The following KIAA0825 variants were observed in gnomAD, a reference collection of about 807,000 sequenced individuals.
The protein encoded by KIAA0825 is KIAA0825, also known as uncharacterized protein KIAA0825.
A neutral mutation model predicts 147.6 loss-of-function variants in KIAA0825; 119 were observed. The ratio of observed to expected loss-of-function variants is 0.81; its 90% CI spans 0.69 to 0.94. The LOEUF (loss-of-function observed/expected upper bound fraction) is 0.94, where lower values mean the gene tolerates loss of function less well. Among genes scored for constraint, KIAA0825 ranks in the 40% least tolerant of loss-of-function variants. KIAA0825 has a pLI of 0.00. For missense variants in KIAA0825, 1,381 were observed against 1,472.7 expected, an observed-to-expected ratio of 0.94 and a Z score of 1.02; for synonymous variants, 470 against 518.1, an observed-to-expected ratio of 0.91 and a Z score of 1.26.
At chr5:94,616,444 C>T (rs896112803) in intron 1 of KIAA0825, among the ~76,000 whole-genome samples, 1 of 152,106 alleles carries the variant, frequency 6.6e-6, no homozygotes, top group Non-Finnish European at 1.5e-5. Flanking sequence ...GTGAGTGGAA[C>T]AGCACAGTTT....
Position 94,158,875 on chromosome 5 carries a change from C to T in KIAA0825, c.3711-4751G>A, listed in dbSNP as rs1379705648. ...ACACATAAAACATAAAATAATGCCT[C>T]GTTTATAGCAAGCACTCAACAAGTG... On this transcript the variant is annotated intron_variant, in intron 20 of 20. Coordinates refer to ENST00000682413, the MANE Select transcript of KIAA0825 (RefSeq NM_001145678.3). Among the ~76,000 whole-genome samples the T allele has an allele frequency of 2.0e-5, 3 of 152,026 alleles. No homozygotes were observed. The East Asian group carries it at 5.8e-4, about 29-fold the overall frequency.
At chr5:94,614,623 C>A (rs536802267) in intron 1 of KIAA0825, among the ~76,000 whole-genome samples, 1 of 152,170 alleles carries the variant, frequency 6.6e-6, no homozygotes, top group South Asian at 2.1e-4. Flanking sequence ...CCTCTTGTTC[C>A]CCTGCCAAAA....
At chr5:94,527,187 C>T (rs537693230) in intron 3 of KIAA0825, among the ~76,000 whole-genome samples, 1 of 151,984 alleles carries the variant, frequency 6.6e-6, no homozygotes, top group African/African-American at 2.4e-5. Context: ...TGTATATATG[C>T]ACCAGCTTAC....
chr5:94,419,489 AC>A (rs1407818715), intron 14 of KIAA0825, among the ~76,000 whole-genome samples: 1 of 151,720 alleles, frequency 6.6e-6, no homozygotes, highest in Non-Finnish European at 1.5e-5. Flanking sequence ...TTATGTTCCA[AC>A]CCCCAAACAT....
In KIAA0825 at chr5:94,484,892, G is replaced by A; in HGVS notation, c.1009C>T (p.Leu337Phe). 7 of 1,528,136 alleles carry A rather than the reference G, an allele frequency of 4.6e-6. No homozygotes were observed. The highest frequency in any genetic ancestry group is 6.2e-6 in the Non-Finnish European group (7 of 1,130,926). The allele number at this position is 1,528,136 out of a possible 1,614,324, so 94.7% of individuals were successfully genotyped here. A position where few individuals can be genotyped will look rare whatever the true frequency, so the allele number is the denominator to read the frequency against. The change falls in exon 6 of 21, where the codon CTC becomes TTC. Residue 337 changes from leucine (L) to phenylalanine (F), a missense_variant. Transcript: ENST00000682413. ...ECPQKGRNFS[L>F]PLDKVEFLSQ... Reference sequence around the variant, plus strand: ...AAGAATTCGACTTTGTCTAAAGGGAGAGAGAAGTTTCTTCCTTTCTGTGGG... The same window carrying A: ...AAGAATTCGACTTTGTCTAAAGGGAAAGAGAAGTTTCTTCCTTTCTGTGGG...
chr5:94,194,752 C>T (rs1770978393), intron 20 of KIAA0825, among the ~76,000 whole-genome samples: 2 of 152,184 alleles, frequency 1.3e-5, no homozygotes, highest in African/African-American at 4.8e-5. Flanking sequence ...GACCCATATT[C>T]AATTTCCACA....
intron 1 of KIAA0825, among the ~76,000 whole-genome samples, chr5:94,601,503 A>G (rs1007733869): frequency 6.6e-6 from 1 of 152,212 alleles, no homozygotes; most frequent in Non-Finnish European, 1.5e-5. Context: ...CTCTCCTTCA[A>G]ATGACCACAT....
intron 20 of KIAA0825, among the ~76,000 whole-genome samples, chr5:94,324,825 A>G (rs776913726): frequency 6.6e-6 from 1 of 151,532 alleles, no homozygotes; most frequent in Non-Finnish European, 1.5e-5. Context: ...AAAGGCATCT[A>G]TTAGGTAATT....
At chr5:94,195,063 G>C (rs917822960) in intron 20 of KIAA0825, among the ~76,000 whole-genome samples, 1 of 152,126 alleles carries the variant, frequency 6.6e-6, no homozygotes, top group African/African-American at 2.4e-5. Flanking sequence ...AGGTCACAAC[G>C]CAAAATGGAG....
intron 20 of KIAA0825, among the ~76,000 whole-genome samples, chr5:94,330,165 G>A (rs530848665): frequency 6.6e-6 from 1 of 152,204 alleles, no homozygotes; most frequent in African/African-American, 2.4e-5. Flanking sequence ...AGGTGAAATG[G>A]ACATAGAATA....
chr5:94,364,366 T>C (rs1745507313), intron 20 of KIAA0825, among the ~76,000 whole-genome samples: 1 of 151,554 alleles, frequency 6.6e-6, no homozygotes, highest in African/African-American at 2.4e-5. Flanking sequence ...ATTTGTGATA[T>C]CAGGAAATGC....
chr5:94,492,150 G>C (rs1305795283), intron 5 of KIAA0825, among the ~76,000 whole-genome samples: 1 of 152,176 alleles, frequency 6.6e-6, no homozygotes, highest in Non-Finnish European at 1.5e-5. Context: ...ACCACCAATT[G>C]TATCATATGT....
rs1761200234 is a variant in KIAA0825, at chr5:94,471,386, C to A, written c.1721+80G>T. ...ATTTTCTCTTTCTCAAATCTTATTACCAAAATTTCATTCCTGTGATATCCA... is the reference window on the plus strand; with the variant it reads ...ATTTTCTCTTTCTCAAATCTTATTAACAAAATTTCATTCCTGTGATATCCA... On this transcript the variant is annotated intron_variant, in intron 9 of 20. Transcript: ENST00000682413. The A allele has an allele frequency of 7.2e-6, 10 of 1,391,962 alleles. No homozygotes were observed. In the South Asian group the frequency reaches 1.4e-4, roughly 20 times the overall value. The allele number at this position is 1,391,962 out of a possible 1,614,324, so 86.2% of individuals were successfully genotyped here.
chr5:94,473,734 T>A (rs1025212064), intron 7 of KIAA0825, among the ~76,000 whole-genome samples: 3 of 152,164 alleles, frequency 2.0e-5, no homozygotes, highest in Non-Finnish European at 4.4e-5. Flanking sequence ...TATACTGACA[T>A]TTCATTTTAA....
At position 94,374,929 on chromosome 5, in the gene KIAA0825, A is replaced by G. The variant is rs142989237; in HGVS notation, c.3710+9439T>C. On this transcript the variant is annotated intron_variant, in intron 20 of 20. Transcript: ENST00000682413. Reference sequence around the variant, plus strand: ...GATCTGAACCCACACTCTCTGAAGAAAAGGTAAGCATAGCACCTTTCTACC... The same window carrying G: ...GATCTGAACCCACACTCTCTGAAGAGAAGGTAAGCATAGCACCTTTCTACC... Among the ~76,000 whole-genome samples, 1,022 of 152,278 alleles carry G rather than the reference A, an allele frequency of 6.7e-3. 13 individuals are homozygous for G. The highest frequency in any genetic ancestry group is 0.023 in the African/African-American group (964 of 41,540).
intron 20 of KIAA0825, among the ~76,000 whole-genome samples, chr5:94,194,044 G>T (rs1770908492): frequency 6.6e-6 from 1 of 152,134 alleles, no homozygotes; most frequent in South Asian, 2.1e-4. Flanking sequence ...CCAAGGTAAA[G>T]GTCAAACCAA....
At chr5:94,482,978 G>A (rs1330559118) in intron 6 of KIAA0825, among the ~76,000 whole-genome samples, 3 of 151,920 alleles carry the variant, frequency 2.0e-5, no homozygotes, top group African/African-American at 7.2e-5. Context: ...GTATATTGTG[G>A]CAAATTATGT....
intron 20 of KIAA0825, among the ~76,000 whole-genome samples, chr5:94,228,339 A>T (rs1261507960): frequency 6.6e-6 from 1 of 152,152 alleles, no homozygotes; most frequent in East Asian, 1.9e-4. Context: ...TCTGATATTT[A>T]CCTCCATTTT....
chr5:94,237,311 A>G (rs1382434339), intron 20 of KIAA0825, among the ~76,000 whole-genome samples: 1 of 152,200 alleles, frequency 6.6e-6, no homozygotes, highest in East Asian at 1.9e-4. Flanking sequence ...TGTCATAAAA[A>G]TAGAGTAAGA....
Sources: gnomAD v4.1 joint callset for allele counts (sites outside exome capture counted in the v4.1 genomes callset) on GRCh38, gnomAD v4.1.1 for gene constraint, MANE v1.5 for transcripts, NCBI Gene and HGNC (gene_info 2026-07-23, HGNC 2026-07-21) for gene names.